Variants in MEF2C observed in about 807,000 individuals in gnomAD.
MEF2C encodes the protein myocyte enhancer factor 2C, also known as myocyte-specific enhancer factor 2C.
Under a neutral mutation model 50.5 loss-of-function variants are expected in MEF2C, and 6 were observed. The observed-to-expected ratio is 0.12, with a 90% CI of 0.07 to 0.23. The LOEUF (loss-of-function observed/expected upper bound fraction) is 0.23. Ranked by LOEUF, MEF2C falls within the 10% of genes least tolerant of loss-of-function variation. The probability of loss-of-function intolerance (pLI) is 1.00; values close to 1 mark genes in which losing one functional copy is unlikely to be tolerated. For missense variants in MEF2C, 276 were observed against 605.0 expected (o/e 0.46, Z 5.70); for synonymous variants, 183 against 228.0 (o/e 0.80, Z 1.78).
At chr5:88,729,600 T>A in intron 8 of MEF2C, 1 of 446,310 alleles carries the variant, frequency 2.2e-6, no homozygotes. Flanking sequence ...CATAGCTTTA[T>A]TATGGGTAAA....
At chr5:88,807,409 T>C (rs1800940414) in intron 2 of MEF2C, among the ~76,000 whole-genome samples, 1 of 152,156 alleles carries the variant, frequency 6.6e-6, no homozygotes, top group Non-Finnish European at 1.5e-5. Flanking sequence ...TTTGTATTTA[T>C]TTTTACTAGA....
intron 1 of MEF2C, among the ~76,000 whole-genome samples, chr5:88,869,269 A>G (rs940064832): frequency 7.2e-4 from 43 of 59,356 alleles, no homozygotes; most frequent in Admixed American, 1.8e-3. Flanking sequence ...ATATATATAT[A>G]TATATATACA....
intron 10 of MEF2C, among the ~76,000 whole-genome samples, chr5:88,724,415 G>T (rs1330549559): frequency 1.3e-5 from 2 of 152,064 alleles, no homozygotes; most frequent in South Asian, 2.1e-4. Flanking sequence ...TACTGGCAAA[G>T]AATTACTTTC....
intron 3 of MEF2C, chr5:88,766,700 C>G (rs1483688556): frequency 1.8e-5 from 18 of 985,228 alleles, no homozygotes; most frequent in Non-Finnish European, 2.2e-5. Context: ...TCCTATTAAC[C>G]TTTGTTAAAA....
chr5:88,871,040 G>A (rs112353852), intron 1 of MEF2C, among the ~76,000 whole-genome samples: 47 of 152,170 alleles, frequency 3.1e-4, no homozygotes, highest in African/African-American at 1.1e-3. Flanking sequence ...TAGCGGTAGA[G>A]AGGTCCATAC....
intron 1 of MEF2C, among the ~76,000 whole-genome samples, chr5:88,866,405 T>C (rs1259135693): frequency 6.6e-6 from 1 of 152,212 alleles, no homozygotes. Context: ...CCAAAGCTTG[T>C]ATATCTGGTA....
intron 3 of MEF2C, among the ~76,000 whole-genome samples, chr5:88,790,311 A>T (rs1164667409): frequency 6.6e-6 from 1 of 152,264 alleles, no homozygotes; most frequent in Non-Finnish European, 1.5e-5. Context: ...TCCATGAAGA[A>T]GGAAATACAT....
chr5:88,889,061 G>A (rs1218965812), intron 1 of MEF2C: 2 of 152,134 alleles, frequency 1.3e-5, no homozygotes, highest in African/African-American at 4.8e-5. Context: ...CCGGGGTTGT[G>A]GTGGAAGTGG....
chr5:88,737,480 A>G (rs2152368045), intron 6 of MEF2C: 3 of 985,410 alleles, frequency 3.0e-6, no homozygotes, highest in South Asian at 9.4e-5. Context: ...GAAGTCTCTG[A>G]TATTTTCTTC....
chr5:88,764,412 A>C (rs1222351811), intron 3 of MEF2C, among the ~76,000 whole-genome samples: 1 of 152,190 alleles, frequency 6.6e-6, no homozygotes, highest in Admixed American at 6.5e-5. Flanking sequence ...GTGGGGCCTG[A>C]CTTTCCCCTG....
At chr5:88,898,720 G>A (rs1292326683) in intron 1 of MEF2C, among the ~76,000 whole-genome samples, 1 of 152,082 alleles carries the variant, frequency 6.6e-6, no homozygotes, top group African/African-American at 2.4e-5. Context: ...CATTAATCAT[G>A]TTTTAATTCT....
intron 6 of MEF2C, chr5:88,739,747 A>G: frequency 1.0e-6 from 1 of 984,526 alleles, no homozygotes; most frequent in Non-Finnish European, 1.2e-6. Context: ...TTTTTTTGAG[A>G]AAAAAAGATA....
intron 1 of MEF2C, among the ~76,000 whole-genome samples, chr5:88,854,469 A>G (rs1396192745): frequency 6.6e-6 from 1 of 152,218 alleles, no homozygotes; most frequent in East Asian, 1.9e-4. Flanking sequence ...ACACCATAAA[A>G]GAGACACTCA....
chr5:88,746,198 T>TG (rs1769463058), intron 6 of MEF2C, among the ~76,000 whole-genome samples: 1 of 152,144 alleles, frequency 6.6e-6, no homozygotes, highest in Non-Finnish European at 1.5e-5. Flanking sequence ...CAAGCAGTCC[T>TG]GGGGAGACTG....
At chr5:88,759,820 A>G (rs187629082) in intron 4 of MEF2C, among the ~76,000 whole-genome samples, 1 of 152,262 alleles carries the variant, frequency 6.6e-6, no homozygotes, top group Non-Finnish European at 1.5e-5. Flanking sequence ...AGAAATTTTA[A>G]TATGCACACA....
At chr5:88,787,637 A>G (rs1388930312) in intron 3 of MEF2C, among the ~76,000 whole-genome samples, 1 of 152,236 alleles carries the variant, frequency 6.6e-6, no homozygotes, top group African/African-American at 2.4e-5. Context: ...CTTCAACAAT[A>G]TTCTTTAGAA....
chr5:88,822,750 T>G (rs1808992053), intron 2 of MEF2C, among the ~76,000 whole-genome samples: 1 of 151,980 alleles, frequency 6.6e-6, no homozygotes, highest in African/African-American at 2.4e-5. Context: ...AATTACAGTC[T>G]GGTGGTTGTC....
At chr5:88,875,535 T>A (rs569461302) in intron 1 of MEF2C, among the ~76,000 whole-genome samples, 1 of 152,064 alleles carries the variant, frequency 6.6e-6, no homozygotes, top group East Asian at 1.9e-4. Context: ...TGGGTCTGGG[T>A]GTGCTGGAGG....
At chr5:88,852,278 A>AAAATGTT (rs1407577860) in intron 1 of MEF2C, among the ~76,000 whole-genome samples, 1 of 152,184 alleles carries the variant, frequency 6.6e-6, no homozygotes, top group Non-Finnish European at 1.5e-5. Context: ...TTTCTTCTAA[A>AAAATGTT]AAATGTTAGA....
Sources: gnomAD v4.1 joint callset for allele counts (sites outside exome capture counted in the v4.1 genomes callset) on GRCh38, gnomAD v4.1.1 for gene constraint, MANE v1.5 for transcripts, NCBI Gene and HGNC (gene_info 2026-07-23, HGNC 2026-07-21) for gene names.